The following DERA variants were observed in gnomAD, a reference collection of about 807,000 sequenced individuals.
DERA encodes 2-deoxy-D-ribose 5-phosphate aldolase.
Under a neutral mutation model 41.1 loss-of-function variants are expected in DERA, and 15 were observed. The observed-to-expected ratio is 0.37, with a 90% CI of 0.24 to 0.56. The LOEUF (loss-of-function observed/expected upper bound fraction) is 0.56, where lower values mean the gene tolerates loss of function less well. Ranked by LOEUF, DERA falls within the 20% of genes least tolerant of loss-of-function variation. The pLI, the probability that DERA is intolerant of heterozygous loss-of-function variation, is 0.81. For synonymous variants in DERA, 139 were observed against 137.4 expected, an observed-to-expected ratio of 1.01 and a Z score of -0.08; for missense variants, 396 against 403.4, an observed-to-expected ratio of 0.98 and a Z score of 0.16.
chr12:15,924,354 C>T lies in DERA; in HGVS notation c.31+12940C>T, dbSNP rs1002346234. Among the ~76,000 whole-genome samples the T allele has an allele frequency of 6.6e-6, 1 of 152,210 alleles. No individual in the cohort carries two copies. The highest frequency in any genetic ancestry group is 1.5e-5 in the Non-Finnish European group (1 of 68,038). On this transcript the variant is annotated intron_variant, in intron 1 of 8. Coordinates refer to ENST00000428559, the MANE Select transcript of DERA (RefSeq NM_015954.4). The surrounding 1 kb of genome is among the most constrained non-coding windows in gnomAD (Gnocchi z 5.0). The stretch of plus-strand genomic sequence containing the variant: ...GGACAAGGTTACAGTGATGATCATA[C>T]TGCTGTACTGTAGCCTGGGTGACAG...
intron 1 of DERA, chr12:15,951,560 T>TGGCA (rs1203774899): frequency 1.3e-5 from 2 of 152,234 alleles, no homozygotes; most frequent in Non-Finnish European, 2.9e-5. Flanking sequence ...CACTGCTGCC[T>TGGCA]GGCAGTTCCT....
rs58100447 is a variant in DERA, at chr12:15,998,311, C to CTTTATTTA, written c.637+15892_637+15899dup. On this transcript the variant is annotated intron_variant, in intron 6 of 8. Coordinates refer to ENST00000428559, the MANE Select transcript of DERA (RefSeq NM_015954.4). This position sits in a 1 kb window ranked among gnomAD's most constrained non-coding sequence, Gnocchi z 4.8. ...CTAATGTTAACACAGGAAGTCTTTCCTTTATTTATTTATTTATTTATTTAG... is the reference window on the plus strand; with the variant it reads ...CTAATGTTAACACAGGAAGTCTTTCCTTTATTTATTTATTTATTTATTTATTTATTTAG... 4.0e-5 allele frequency among the ~76,000 whole-genome samples: 6 copies of CTTTATTTA among 151,538 alleles called. No homozygotes were observed. The highest frequency in any genetic ancestry group is 7.4e-5 in the Non-Finnish European group (5 of 67,888).
rs1219313885 is a variant in DERA, at chr12:15,989,036, T to C, written c.637+6600T>C. ...CCAGGAGTAGGGAGAGGCCAGGGAG[T>C]GGGACCAGGTACTTCTGAGCCTGCA... On this transcript the variant is annotated intron_variant, in intron 6 of 8. Coordinates refer to ENST00000428559, the MANE Select transcript of DERA (RefSeq NM_015954.4). This position sits in a 1 kb window ranked among gnomAD's most constrained non-coding sequence, Gnocchi z 5.2. Among the ~76,000 whole-genome samples the C allele has an allele frequency of 6.6e-6, 1 of 152,000 alleles. No individual in the cohort carries two copies.
chr12:16,022,874 G>C (rs889133625), intron 6 of DERA, among the ~76,000 whole-genome samples: 3 of 152,158 alleles, frequency 2.0e-5, no homozygotes, highest in Admixed American at 6.5e-5. Flanking sequence ...AACCCCACCA[G>C]GTTCTCACAG....
At chr12:15,964,507 T>C (rs1289605400) in intron 5 of DERA, among the ~76,000 whole-genome samples, 1 of 152,216 alleles carries the variant, frequency 6.6e-6, no homozygotes, top group African/African-American at 2.4e-5. Flanking sequence ...CCAATTACAG[T>C]CATTCTGAAA....
Position 15,991,027 on chromosome 12 carries a change from C to T in DERA, c.637+8591C>T, listed in dbSNP as rs534457875. Among the ~76,000 whole-genome samples, 75 of 152,230 alleles carry T rather than the reference C, an allele frequency of 4.9e-4. 1 individual carries two copies. Among genetic ancestry groups the T allele is most frequent in the African/African-American group, 1.7e-3 (69 of 41,550 alleles). The stretch of plus-strand genomic sequence containing the variant: ...TTCTGTCTTTAGATCTTTGAGGAAT[C>T]GCCATATTGTTTTCCATGATGGCTG... On this transcript the variant is annotated intron_variant, in intron 6 of 8. Transcript: ENST00000428559.
rs1016613785 is a variant in DERA, at chr12:15,935,149, T to C, written c.32-21787T>C. On this transcript the variant is annotated intron_variant, in intron 1 of 8. Coordinates refer to ENST00000428559, the MANE Select transcript of DERA (RefSeq NM_015954.4). The surrounding 1 kb of genome is among the most constrained non-coding windows in gnomAD (Gnocchi z 4.8). ...AGTTTTCTAAATAAATTGAGCTGAA[T>C]TTAAATACATGGACATCCATTGCTA... Among the ~76,000 whole-genome samples, 2 of 152,204 alleles carry C rather than the reference T, an allele frequency of 1.3e-5. No individual in the cohort carries two copies. Among genetic ancestry groups the C allele is most frequent in the Admixed American group, 1.3e-4 (2 of 15,268 alleles).
At position 15,989,228 on chromosome 12, in the gene DERA, C is replaced by T. The variant is rs146645660; in HGVS notation, c.637+6792C>T. ...GACCTCACCAGCTCCACGGAGTGTG[C>T]AGCCCTAGCCACGCCTCCCCCGCTG... On this transcript the variant is annotated intron_variant, in intron 6 of 8. Coordinates refer to ENST00000428559, the MANE Select transcript of DERA (RefSeq NM_015954.4). This position sits in a 1 kb window ranked among gnomAD's most constrained non-coding sequence, Gnocchi z 5.2. Among the ~76,000 whole-genome samples the T allele has an allele frequency of 6.8e-3, 1,040 of 152,340 alleles. 16 individuals carry two copies. The highest frequency in any genetic ancestry group is 0.023 in the African/African-American group (975 of 41,578).
intron 1 of DERA, among the ~76,000 whole-genome samples, chr12:15,927,588 C>T (rs1271749438): frequency 1.3e-5 from 2 of 152,018 alleles, no homozygotes; most frequent in African/African-American, 4.8e-5. Context: ...TGTTAACACC[C>T]CACATAAGTT....
rs896110256 is a variant in DERA, at chr12:15,940,212, G to A, written c.32-16724G>A. Among the ~76,000 whole-genome samples, 1 of 152,094 alleles carries A rather than the reference G, an allele frequency of 6.6e-6. No individual in the cohort carries two copies. The highest frequency in any genetic ancestry group is 6.5e-5 in the Admixed American group (1 of 15,276). The stretch of plus-strand genomic sequence containing the variant: ...TCCGGTTTTTTTATTTGATAAATTA[G>A]ATTTTTAAAATGAGTCAATATTCAA... On this transcript the variant is annotated intron_variant, in intron 1 of 8. Coordinates refer to ENST00000428559, the MANE Select transcript of DERA (RefSeq NM_015954.4). The surrounding 1 kb of genome is among the most constrained non-coding windows in gnomAD (Gnocchi z 5.1).
intron 6 of DERA, among the ~76,000 whole-genome samples, chr12:16,030,567 A>G (rs773526540): frequency 3.3e-5 from 5 of 152,264 alleles, no homozygotes; most frequent in African/African-American, 9.6e-5. Flanking sequence ...TTGTAATGCT[A>G]TATCTGCACA....
chr12:15,947,699 C>G (rs1948462137), intron 1 of DERA, among the ~76,000 whole-genome samples: 1 of 152,122 alleles, frequency 6.6e-6, no homozygotes, highest in Non-Finnish European at 1.5e-5. Context: ...GACCATTTAG[C>G]CCATTTACAT....
rs60830683 is a variant in DERA, at chr12:15,989,982, C to T, written c.637+7546C>T. 0.065 allele frequency among the ~76,000 whole-genome samples: 9,844 copies of T among 152,218 alleles called. 1,019 individuals carry two copies. The highest frequency in any genetic ancestry group is 0.22 in the African/African-American group (9,062 of 41,502). On this transcript the variant is annotated intron_variant, in intron 6 of 8. Coordinates refer to ENST00000428559, the MANE Select transcript of DERA (RefSeq NM_015954.4). The surrounding 1 kb of genome is among the most constrained non-coding windows in gnomAD (Gnocchi z 5.2). ...TTGTTCTGTCTTGCATATTTTGTGA[C>T]CTTGAACAAATAAATTAATCTGGTT... is the stretch of plus-strand genomic sequence containing the variant.
Position 15,913,080 on chromosome 12 carries a change from A to G in DERA, c.31+1666A>G, listed in dbSNP as rs962073429. Among the ~76,000 whole-genome samples, 3 of 152,238 alleles carry G rather than the reference A, an allele frequency of 2.0e-5. No homozygotes were observed. The highest frequency in any genetic ancestry group is 3.2e-3 in the Middle Eastern group (1 of 316). On this transcript the variant is annotated intron_variant, in intron 1 of 8. Transcript: ENST00000428559. The surrounding 1 kb of genome is among the most constrained non-coding windows in gnomAD (Gnocchi z 4.5). Reference sequence around the variant, plus strand: ...TGACCATGTGACTATGCATACATCAAGGATGTGCCCTAAATTTCCCAAAAC... The same window carrying G: ...TGACCATGTGACTATGCATACATCAGGGATGTGCCCTAAATTTCCCAAAAC...
In DERA at chr12:15,956,783, T is replaced by C. The variant is rs769090133; in HGVS notation, c.32-153T>C. On this transcript the variant is annotated intron_variant, in intron 1 of 8. Transcript: ENST00000428559. ...GTTGACTGGTCTTCCATCAATAAGG[T>C]TGTTTATTTATAGTTGTACAAAAAA... 20 of 729,896 alleles carry C rather than the reference T, an allele frequency of 2.7e-5. No individual in the cohort carries two copies. In the East Asian group the frequency reaches 5.1e-4, roughly 19 times the overall value. The allele number at this position is 729,896 out of a possible 1,614,324, so 45.2% of individuals were successfully genotyped here. A position where few individuals can be genotyped will look rare whatever the true frequency, so the allele number is the denominator to read the frequency against.
intron 5 of DERA, among the ~76,000 whole-genome samples, chr12:15,980,103 G>A (rs1948723152): frequency 6.6e-6 from 1 of 152,158 alleles, no homozygotes; most frequent in Non-Finnish European, 1.5e-5. Context: ...AACACTTAGT[G>A]GAAATTCATT....
At chr12:15,973,973 C>T (rs2034504) in intron 5 of DERA, among the ~76,000 whole-genome samples, 94,764 of 152,004 alleles carry the variant, frequency 0.62, 29,900 homozygotes, top group East Asian at 0.82. Flanking sequence ...AAAATTGGTA[C>T]GCAAAACTAC....
At chr12:15,953,735 G>C (rs1229702034) in intron 1 of DERA, among the ~76,000 whole-genome samples, 1 of 152,020 alleles carries the variant, frequency 6.6e-6, no homozygotes, top group East Asian at 1.9e-4. Flanking sequence ...GACGCTAAAG[G>C]GTACTTGAAT....
In DERA at chr12:15,985,966, T is replaced by C. The variant is rs930683189; in HGVS notation, c.637+3530T>C. 1.3e-5 allele frequency among the ~76,000 whole-genome samples: 2 copies of C among 152,174 alleles called. No homozygotes were observed. Among genetic ancestry groups the C allele is most frequent in the Non-Finnish European group, 1.5e-5 (1 of 67,996 alleles). On this transcript the variant is annotated intron_variant, in intron 6 of 8. Coordinates refer to ENST00000428559, the MANE Select transcript of DERA (RefSeq NM_015954.4). The surrounding 1 kb of genome is among the most constrained non-coding windows in gnomAD (Gnocchi z 4.2). ...AGAGTGTTAAAGTCTCCAAACATGA[T>C]TGTGGATTTGTCTGGTTATCCCTTT... is the stretch of plus-strand genomic sequence containing the variant.
Sources: allele counts gnomAD v4.1 joint callset (sites outside exome capture counted in the v4.1 genomes callset), GRCh38; gene constraint gnomAD v4.1.1; non-coding constraint Gnocchi (gnomAD v3.1); transcripts MANE v1.5; gene names NCBI Gene and HGNC (gene_info 2026-07-23, HGNC 2026-07-21).